The following CHCHD3 variants were observed in gnomAD, a reference collection of about 807,000 sequenced individuals.
CHCHD3 encodes the protein MICOS complex subunit MIC19.
A neutral mutation model predicts 38.2 loss-of-function variants in CHCHD3; 20 were observed. The ratio of observed to expected loss-of-function variants is 0.52; its 90% CI spans 0.37 to 0.76. The LOEUF (loss-of-function observed/expected upper bound fraction) is 0.76, where lower values mean the gene tolerates loss of function less well. Among genes scored for constraint, CHCHD3 ranks in the 30% least tolerant of loss-of-function variants. The pLI is 0.00. For synonymous variants in CHCHD3, 82 were observed against 100.0 expected, an observed-to-expected ratio of 0.82 and a Z score of 1.07; for missense variants, 245 against 279.2, an observed-to-expected ratio of 0.88 and a Z score of 0.87.
chr7:132,906,366 C>T (rs1340294996), intron 4 of CHCHD3, among the ~76,000 whole-genome samples: 1 of 152,122 alleles, frequency 6.6e-6, no homozygotes, highest in African/African-American at 2.4e-5. Flanking sequence ...ATACCACCTG[C>T]TATTAATCTG....
rs74584117 is a variant in CHCHD3 at position 132,797,239 on chromosome 7, C to T, written c.525-662G>A. 1.8e-3 allele frequency among the ~76,000 whole-genome samples: 276 copies of T among 152,326 alleles called. 2 individuals carry two copies. The highest frequency in any genetic ancestry group is 6.3e-3 in the African/African-American group (262 of 41,570). On this transcript the variant is annotated intron_variant, in intron 6 of 7. Coordinates refer to ENST00000262570, the MANE Select transcript of CHCHD3 (RefSeq NM_017812.4). ...CCTGGACAAACCCAATTCAGGGTTT[C>T]GTTCTTACACTTCTCTTCAAGTCTA...
chr7:132,837,722 C>T (rs150126530), intron 6 of CHCHD3, among the ~76,000 whole-genome samples: 36 of 152,232 alleles, frequency 2.4e-4, no homozygotes, highest in Non-Finnish European at 4.7e-4. Context: ...TGCGCATGTG[C>T]TACTAATAGA....
Position 132,824,314 on chromosome 7 carries a change from C to CTTTTTTTTTTTTTTT in CHCHD3, c.524+14070_524+14084dup, listed in dbSNP as rs57262694. 3.8e-4 allele frequency among the ~76,000 whole-genome samples: 34 copies of CTTTTTTTTTTTTTTT among 90,130 alleles called. 2 individuals carry two copies. The highest frequency in any genetic ancestry group is 4.1e-4 in the Non-Finnish European group (20 of 48,266). The allele number at this position is 90,130 out of a possible 152,430, so 59.1% of individuals were successfully genotyped here. A position where few individuals can be genotyped will look rare whatever the true frequency, so the allele number is the denominator to read the frequency against. On this transcript the variant is annotated intron_variant, in intron 6 of 7. Transcript: ENST00000262570. ...AAAAATATTCCCAAGTAGTAGAACT[C>CTTTTTTTTTTTTTTT]TTTTTTTTTTTTTTTTTTTTTTGAG... is the stretch of plus-strand genomic sequence containing the variant.
chr7:132,882,168 C>A (rs1809075887), intron 5 of CHCHD3, among the ~76,000 whole-genome samples: 1 of 152,118 alleles, frequency 6.6e-6, no homozygotes. Flanking sequence ...GATCTACCCC[C>A]AATCACCATG....
intron 3 of CHCHD3, among the ~76,000 whole-genome samples, chr7:132,994,317 G>A (rs1812360113): frequency 6.6e-6 from 1 of 152,152 alleles, no homozygotes; most frequent in African/African-American, 2.4e-5. Context: ...CAAACATAAT[G>A]AAAAGACAGG....
intron 4 of CHCHD3, among the ~76,000 whole-genome samples, chr7:132,909,576 C>T (rs1189021527): frequency 6.6e-6 from 1 of 152,154 alleles, no homozygotes; most frequent in Non-Finnish European, 1.5e-5. Flanking sequence ...AATACACCTA[C>T]AATACTATAT....
chr7:132,798,491 G>A (rs531018309), intron 6 of CHCHD3, among the ~76,000 whole-genome samples: 98 of 152,232 alleles, frequency 6.4e-4, no homozygotes, highest in Middle Eastern at 3.4e-3. Flanking sequence ...CCTGCATCTA[G>A]ATAAATATCG....
At chr7:132,854,573 T>C (rs1024527132) in intron 5 of CHCHD3, among the ~76,000 whole-genome samples, 7 of 152,156 alleles carry the variant, frequency 4.6e-5, no homozygotes, top group Non-Finnish European at 8.8e-5. Flanking sequence ...GAGTGGGGAT[T>C]AATTTTCAAA....
In CHCHD3 at chr7:133,035,816, T is replaced by C; in HGVS notation, c.170-11189A>G. 1.2e-6 allele frequency: 2 copies of C among 1,612,770 alleles called. No homozygotes were observed. The highest frequency in any genetic ancestry group is 1.7e-6 in the Non-Finnish European group (2 of 1,179,054). On this transcript the variant is annotated intron_variant, in intron 2 of 7. Coordinates refer to ENST00000262570, the MANE Select transcript of CHCHD3 (RefSeq NM_017812.4). The surrounding 1 kb of genome is among the most constrained non-coding windows in gnomAD (Gnocchi z 4.7). ...TGGTTTGGCCAAAATGGAAGTGGGG[T>C]GGTGCGGAGAGCACGCGGATCTGAG... is the stretch of plus-strand genomic sequence containing the variant.
intron 6 of CHCHD3, among the ~76,000 whole-genome samples, chr7:132,836,531 G>A (rs1156654748): frequency 1.3e-5 from 2 of 152,006 alleles, no homozygotes; most frequent in Non-Finnish European, 2.9e-5. Flanking sequence ...TGTGACTGGA[G>A]TGCAATGGCA....
intron 6 of CHCHD3, among the ~76,000 whole-genome samples, chr7:132,803,559 T>C (rs1305103223): frequency 6.6e-6 from 1 of 152,042 alleles, no homozygotes; most frequent in Admixed American, 6.5e-5. Flanking sequence ...TTGTGAGTTA[T>C]TTCCAATCCC....
At chr7:132,872,688 G>T (rs371721262) in intron 5 of CHCHD3, among the ~76,000 whole-genome samples, 1 of 152,188 alleles carries the variant, frequency 6.6e-6, no homozygotes, top group Admixed American at 6.5e-5. Flanking sequence ...AACAATGGGC[G>T]CTTAGCTTAT....
intron 2 of CHCHD3, among the ~76,000 whole-genome samples, chr7:133,025,103 T>C (rs909449808): frequency 6.6e-6 from 1 of 152,228 alleles, no homozygotes; most frequent in Non-Finnish European, 1.5e-5. Flanking sequence ...ATTTTTCCAT[T>C]ATTTATGAAA....
rs529883817 is a variant in CHCHD3, at chr7:132,882,308, C to A, written c.453+3354G>T. On this transcript the variant is annotated intron_variant, in intron 5 of 7. Transcript: ENST00000262570. ...TCTGACTCCTTGTCTAACATTCTTT[C>A]TTTTACTTAATGTGGAGTTATCGAG... 6.6e-5 allele frequency among the ~76,000 whole-genome samples: 10 copies of A among 152,220 alleles called. No homozygotes were observed. The South Asian group carries it at 1.9e-3, about 28-fold the overall frequency.
chr7:133,025,617 G>A (rs1169145373), intron 2 of CHCHD3, among the ~76,000 whole-genome samples: 4 of 152,190 alleles, frequency 2.6e-5, no homozygotes, highest in African/African-American at 7.2e-5. Flanking sequence ...CAATTCTCCT[G>A]CCTCAGCCTC....
intron 2 of CHCHD3, among the ~76,000 whole-genome samples, chr7:133,040,139 A>G (rs1813791181): frequency 6.6e-6 from 1 of 152,148 alleles, no homozygotes; most frequent in Non-Finnish European, 1.5e-5. Flanking sequence ...TAGCCTCAAA[A>G]ACATGCAGAC....
intron 7 of CHCHD3, among the ~76,000 whole-genome samples, chr7:132,789,243 A>G (rs747889109): frequency 6.6e-6 from 1 of 152,250 alleles, no homozygotes; most frequent in Non-Finnish European, 1.5e-5. Flanking sequence ...AAGTTATAAA[A>G]AATTGCTTCC....
At chr7:133,003,188 A>G (rs186929409) in intron 3 of CHCHD3, among the ~76,000 whole-genome samples, 2 of 152,316 alleles carry the variant, frequency 1.3e-5, no homozygotes, top group East Asian at 3.9e-4. Flanking sequence ...TTTCAGAGAC[A>G]ATGTGAAACA....
At position 133,050,268 on chromosome 7, in the gene CHCHD3, G is replaced by A. The variant is rs144505471; in HGVS notation, c.169+19874C>T. Among the ~76,000 whole-genome samples, 695 of 138,944 alleles carry A rather than the reference G, an allele frequency of 5.0e-3. 1 individual carries two copies. Among genetic ancestry groups the A allele is most frequent in the Non-Finnish European group, 8.1e-3 (532 of 65,936 alleles). The allele number at this position is 138,944 out of a possible 152,430, so 91.2% of individuals were successfully genotyped here. Reference sequence around the variant, plus strand: ...TGAGGCACAAGAATTGCTTGAACCCGAAAGGTGGAGGTTGCAGTGAGCCAA... The same window carrying A: ...TGAGGCACAAGAATTGCTTGAACCCAAAAGGTGGAGGTTGCAGTGAGCCAA... On this transcript the variant is annotated intron_variant, in intron 2 of 7. Coordinates refer to ENST00000262570, the MANE Select transcript of CHCHD3 (RefSeq NM_017812.4).
Sources: gnomAD v4.1 joint callset for allele counts (sites outside exome capture counted in the v4.1 genomes callset) on GRCh38, gnomAD v4.1.1 for gene constraint, Gnocchi (gnomAD v3.1) non-coding constraint, MANE v1.5 for transcripts, NCBI Gene and HGNC (gene_info 2026-07-23, HGNC 2026-07-21) for gene names.